Variants in RHOBTB2 observed in about 807,000 individuals in gnomAD.
The protein encoded by RHOBTB2 is rho-related BTB domain-containing protein 2.
Under a neutral mutation model 66.5 loss-of-function variants are expected in RHOBTB2, and 39 were observed. That is an observed-to-expected ratio of 0.59 (90% confidence interval 0.45 to 0.77). The LOEUF (loss-of-function observed/expected upper bound fraction) is 0.77, where lower values mean the gene tolerates loss of function less well. RHOBTB2 is among the 30% of genes least tolerant of loss of function. RHOBTB2 has a pLI of 0.00. For missense variants in RHOBTB2, 755 were observed against 999.1 expected, an observed-to-expected ratio of 0.76 and a Z score of 3.29; for synonymous variants, 390 against 395.0, an observed-to-expected ratio of 0.99 and a Z score of 0.15.
chr8:22,999,756 C>A lies in RHOBTB2; in HGVS notation c.-360C>A, dbSNP rs1220633866. ...GGCGCGTAGCGGCGGCGGCCTCGCC[C>A]CTCTCCCGGCGCCCCTGCGCGCCGC... On this transcript the variant is annotated 5_prime_UTR_variant, in exon 1 of 10. Transcript: ENST00000251822. 1.3e-5 allele frequency: 13 copies of A among 1,008,754 alleles called. No homozygotes were observed. Among genetic ancestry groups the A allele is most frequent in the Non-Finnish European group, 1.5e-5 (13 of 846,198 alleles). The allele number at this position is 1,008,754 out of a possible 1,614,324, so 62.5% of individuals were successfully genotyped here.
rs142987829 is a variant in RHOBTB2 at position 23,002,187 on chromosome 8, T to A, written c.-11+2082T>A. 3.0e-3 allele frequency among the ~76,000 whole-genome samples: 456 copies of A among 152,350 alleles called. 5 individuals are homozygous for A. The highest frequency in any genetic ancestry group is 0.011 in the African/African-American group (440 of 41,574). On this transcript the variant is annotated intron_variant, in intron 1 of 9. Transcript: ENST00000251822. ...AGTTCTTTTGGCTCTTGGGTTTTAA[T>A]CTTTATCCTCCAGCTGCACATATTT... is the stretch of plus-strand genomic sequence containing the variant.
At chr8:23,014,862 G>A in intron 8 of RHOBTB2, 84 bp downstream of exon 8, 1 of 1,102,500 alleles carries the variant, frequency 9.1e-7, no homozygotes. Flanking sequence ...AGGGGTGGAA[G>A]ATGGTCTATG....
chr8:23,015,888 C>T (rs567983695), intron 9 of RHOBTB2, 145 bp downstream of exon 9: 93 of 633,158 alleles, frequency 1.5e-4, no homozygotes, highest in African/African-American at 1.4e-3. Flanking sequence ...TCCAGCCAAG[C>T]CAAGGGGCCC....
At chr8:22,956,722 C>T in the RHOBTB2 span, among the ~76,000 whole-genome samples, 14 of 152,302 alleles carry the variant, frequency 9.2e-5, no homozygotes, top group East Asian at 1.9e-4. Context: ...AGTGCAATGG[C>T]GCAATCTTGA....
At chr8:22,982,394 G>A in the RHOBTB2 span, among the ~76,000 whole-genome samples, 166 of 152,264 alleles carry the variant, frequency 1.1e-3, 4 homozygotes, top group South Asian at 0.02. Flanking sequence ...GGCCGAGGTC[G>A]GTGGATCACT....
the RHOBTB2 span, chr8:22,977,787 A>C: frequency 6.6e-6 from 1 of 152,160 alleles, no homozygotes; most frequent in African/African-American, 2.4e-5. Flanking sequence ...GGTACTAGAT[A>C]ATATTGGGGA....
upstream of RHOBTB2, among the ~76,000 whole-genome samples, chr8:22,985,324 G>C (rs1242437781): frequency 6.6e-6 from 1 of 152,238 alleles, no homozygotes; most frequent in Non-Finnish European, 1.5e-5. Flanking sequence ...TGCGTCACAG[G>C]CGTAATCTAT....
At chr8:23,002,549 G>A (rs898936184) in intron 1 of RHOBTB2, among the ~76,000 whole-genome samples, 4 of 152,112 alleles carry the variant, frequency 2.6e-5, no homozygotes, top group African/African-American at 9.7e-5. Flanking sequence ...AAATTAGCCG[G>A]CATAGTGGCA....
rs1184034890 is a variant in RHOBTB2, at chr8:23,010,068, T to C, written c.1621-470T>C. ...GGGATGGGAGGGACTGAGGTGTAGATTGAGGTGACCAGAAGGCCTCCTTCA... is the reference window on the plus strand; with the variant it reads ...GGGATGGGAGGGACTGAGGTGTAGACTGAGGTGACCAGAAGGCCTCCTTCA... On this transcript the variant is annotated intron_variant, in intron 6 of 9. Coordinates refer to ENST00000251822, the MANE Select transcript of RHOBTB2 (RefSeq NM_015178.3). 2.6e-5 allele frequency among the ~76,000 whole-genome samples: 4 copies of C among 151,680 alleles called. No homozygotes were observed. In the South Asian group the frequency reaches 6.3e-4, roughly 24 times the overall value.
chr8:22,962,234 C>A, the RHOBTB2 span, among the ~76,000 whole-genome samples: 1 of 100,246 alleles, frequency 1.0e-5, no homozygotes, highest in Admixed American at 1.0e-4. Context: ...AGAAAGTAAC[C>A]CACAAAGAGA....
At chr8:23,011,267 C>A (rs771977787) in intron 7 of RHOBTB2, among the ~76,000 whole-genome samples, 103 of 152,078 alleles carry the variant, frequency 6.8e-4, no homozygotes, top group Non-Finnish European at 1.1e-3. Flanking sequence ...AACAAACAAA[C>A]AAAAAATGGA....
intron 1 of RHOBTB2, among the ~76,000 whole-genome samples, chr8:23,000,351 A>T (rs1268309788): frequency 6.6e-5 from 10 of 152,202 alleles, no homozygotes; most frequent in Non-Finnish European, 4.4e-5. Flanking sequence ...ATGTTTAAAA[A>T]TTTTTAAATT....
In RHOBTB2 at chr8:23,017,368, C is replaced by T. The variant is rs1242842725; in HGVS notation, c.2083C>T (p.Arg695Trp). The T allele has an allele frequency of 2.5e-6, 4 of 1,614,162 alleles. No homozygotes were observed. Among genetic ancestry groups the T allele is most frequent in the South Asian group, 1.1e-5 (1 of 91,084 alleles). The part of the protein sequence containing the change: ...REKEDYLHLK[R>W]QPKRRWLFWN... ...GAAGGAGGACTACCTCCACCTCAAG[C>T]GGCAGCCCAAACGGCGTTGGCTCTT... is the stretch of plus-strand genomic sequence containing the variant. The change falls in exon 10 of 10, where the codon CGG (arginine) becomes TGG (tryptophan). Residue 695 changes from arginine to tryptophan, a missense_variant. Physicochemically the swap from Arg to Trp is moderately radical, Grantham distance 101. Around this residue, in one of 7 missense-constraint regions of RHOBTB2, gnomAD observed 353 missense variants for 458.2 expected, o/e 0.77. Coordinates refer to ENST00000251822, the MANE Select transcript of RHOBTB2 (RefSeq NM_015178.3). The surrounding 1 kb of genome is among the most constrained non-coding windows in gnomAD (Gnocchi z 5.3).
chr8:23,014,587 G>T (rs1811236678), intron 7 of RHOBTB2, 103 bp from the exon 8 acceptor site: 1 of 1,046,294 alleles, frequency 9.6e-7, no homozygotes, highest in Non-Finnish European at 1.4e-6. Flanking sequence ...ACCTGCCCGG[G>T]CCCTGGTTTT....
At chr8:22,964,117 T>A in the RHOBTB2 span, among the ~76,000 whole-genome samples, 1 of 151,952 alleles carries the variant, frequency 6.6e-6, no homozygotes, top group Non-Finnish European at 1.5e-5. Flanking sequence ...GTTTTGTTTT[T>A]TTGTTTGTTT....
Position 23,004,657 on chromosome 8 carries a change from C to A in RHOBTB2, c.192+31C>A. The A allele has an allele frequency of 1.9e-6, 3 of 1,588,712 alleles. No homozygotes were observed. In the South Asian group the frequency reaches 3.4e-5, roughly 18 times the overall value. On this transcript the variant is annotated intron_variant, in intron 2 of 9. Coordinates refer to ENST00000251822, the MANE Select transcript of RHOBTB2 (RefSeq NM_015178.3). The surrounding 1 kb of genome is among the most constrained non-coding windows in gnomAD (Gnocchi z 6.4). ...GCTGCAGGACTACCTGGCTGGGGGT[C>A]CACGCCATGAGTCTGGGCTTGGGGG...
At chr8:22,998,125 C>A (rs1281228656), upstream of RHOBTB2, among the ~76,000 whole-genome samples, 1 of 152,138 alleles carries the variant, frequency 6.6e-6, no homozygotes, top group Non-Finnish European at 1.5e-5. Flanking sequence ...GTACATTGAC[C>A]AGGTAGGTAG....
chr8:22,999,435 G>T (rs1810687357), upstream of RHOBTB2: 1 of 481,152 alleles, frequency 2.1e-6, no homozygotes, highest in Non-Finnish European at 2.8e-6. Context: ...GCGGGCGGTG[G>T]GCGGGAGCGG....
chr8:22,994,418 G>A lies in RHOBTB2; in HGVS notation c.-23-143G>A, dbSNP rs143833515. 1,629 of 533,052 alleles carry A rather than the reference G, an allele frequency of 3.1e-3. 22 individuals carry two copies. The highest frequency in any genetic ancestry group is 0.027 in the African/African-American group (1,412 of 51,930). 33.0% of individuals were successfully genotyped at this position (533,052 alleles called of 1,614,324 possible). A position where few individuals can be genotyped will look rare whatever the true frequency, so the allele number is the denominator to read the frequency against. On this transcript the variant is annotated intron_variant, in intron 2 of 11. Transcript: ENST00000519685. Reference sequence around the variant, plus strand: ...TGGGGTCTCACCCCGCGCTGGACCCGGACATCAGGGGCCGCTCTCTTGTCC... The same window carrying A: ...TGGGGTCTCACCCCGCGCTGGACCCAGACATCAGGGGCCGCTCTCTTGTCC...
Sources: allele counts gnomAD v4.1 joint callset (sites outside exome capture counted in the v4.1 genomes callset), GRCh38; gene constraint gnomAD v4.1.1; regional missense constraint gnomAD v4.1.1; non-coding constraint Gnocchi (gnomAD v3.1); transcripts MANE v1.5; gene names NCBI Gene and HGNC (gene_info 2026-07-23, HGNC 2026-07-21).